The following EGFR variants were observed in gnomAD, a reference collection of about 807,000 sequenced individuals.
The protein encoded by EGFR is avian erythroblastic leukemia viral (v-erb-b) oncogene homolog.
In EGFR, 58 loss-of-function variants were observed where a neutral mutation model predicts 143.0. That is an observed-to-expected ratio of 0.41 (90% CI 0.33 to 0.50). EGFR has a LOEUF of 0.50. Ranked by LOEUF, EGFR falls within the 20% of genes least tolerant of loss-of-function variation. The pLI, the probability that EGFR is intolerant of heterozygous loss-of-function variation, is 0.39. For missense variants in EGFR, 1,307 were observed against 1,579.0 expected (o/e 0.83, Z 2.92); for synonymous variants, 613 against 594.4 (o/e 1.03, Z -0.45).
In EGFR at chr7:55,157,737, G is replaced by C. The variant is rs1785501703; in HGVS notation, c.1282G>C (p.Gly428Arg). ...CTTTGAGAACCTAGAAATCATACGC[G>C]GCAGGACCAAGCAACAGTAAGTTGA... ...HAFENLEIIRGRTKQHGQFSL... is the reference protein window; with the variant it reads ...HAFENLEIIRRRTKQHGQFSL... Residue 428 changes from glycine to arginine, a missense_variant, in exon 11 of 28, where the codon GGC becomes CGC. Gly to Arg is a moderately radical substitution (Grantham distance 125). Coordinates refer to ENST00000275493, the MANE Select transcript of EGFR (RefSeq NM_005228.5). 6.2e-7 allele frequency: 1 copy of C among 1,614,168 alleles called. No homozygotes were observed. Among genetic ancestry groups the C allele is most frequent in the Non-Finnish European group, 8.5e-7 (1 of 1,180,034 alleles).
chr7:55,089,364 C>A (rs955943937), intron 1 of EGFR, among the ~76,000 whole-genome samples: 12 of 152,190 alleles, frequency 7.9e-5, no homozygotes, highest in Admixed American at 7.2e-4. Flanking sequence ...GGAGGCCTGG[C>A]AGAGGGTGCC....
chr7:55,157,890 G>A lies in EGFR; in HGVS notation c.1298+137G>A. On this transcript the variant is annotated intron_variant, in intron 11 of 27. Coordinates refer to ENST00000275493, the MANE Select transcript of EGFR (RefSeq NM_005228.5). ...GGCATTCCCAAATGCTATCTCACAT[G>A]AGCAGGCACAGGGAGCAAGACTGCA... is the stretch of plus-strand genomic sequence containing the variant. 2.3e-5 allele frequency: 20 copies of A among 881,244 alleles called. No individual in the cohort carries two copies. In the South Asian group the frequency reaches 2.8e-4, roughly 13 times the overall value. 54.6% of individuals were successfully genotyped at this position (881,244 alleles called of 1,614,324 possible).
In EGFR at chr7:55,173,817, C is replaced by A. The variant is rs17337100; in HGVS notation, c.2062-104C>A. The A allele has an allele frequency of 0.042, 66,269 of 1,588,150 alleles. 1,566 individuals carry two copies. Among genetic ancestry groups the A allele is most frequent in the African/African-American group, 0.073 (5,439 of 74,508 alleles). On this transcript the variant is annotated intron_variant, in intron 17 of 27. Transcript: ENST00000275493. Reference sequence around the variant, plus strand: ...AAGTGCCGTGTCCTGGCACCCAAGCCCATGCCGTGGCTGCTGGTCCCCCTG... The same window carrying A: ...AAGTGCCGTGTCCTGGCACCCAAGCACATGCCGTGGCTGCTGGTCCCCCTG...
In EGFR at chr7:55,172,914, G is replaced by A. The variant is rs552456875; in HGVS notation, c.1920-69G>A. ...TCAGTGCACTGAAACATGCAGGGGC[G>A]TGTTGAGTGCCAAGGCCATGGAATC... On this transcript the variant is annotated intron_variant, in intron 16 of 27. Transcript: ENST00000275493. The A allele has an allele frequency of 1.5e-5, 25 of 1,613,446 alleles. No homozygotes were observed. In the East Asian group the frequency reaches 1.6e-4, roughly 10 times the overall value.
rs138428448 is a variant in EGFR, at chr7:55,158,882, T to C, written c.1298+1129T>C. The stretch of plus-strand genomic sequence containing the variant: ...GCTCCTATGCGAGACCACTCATCTG[T>C]GTAGGAGAAAGGAAAAAGATGGGGG... On this transcript the variant is annotated intron_variant, in intron 11 of 27. Transcript: ENST00000275493. Among the ~76,000 whole-genome samples the C allele has an allele frequency of 1.0e-3, 152 of 152,214 alleles. 1 individual carries two copies. The highest frequency in any genetic ancestry group is 3.3e-3 in the African/African-American group (137 of 41,530).
rs183008235 is a variant in EGFR, at chr7:55,048,314, C to T, written c.88+28949C>T. Among the ~76,000 whole-genome samples the T allele has an allele frequency of 1.6e-4, 25 of 152,280 alleles. No individual in the cohort carries two copies. The East Asian group carries it at 4.6e-3, about 28-fold the overall frequency. On this transcript the variant is annotated intron_variant, in intron 1 of 27. Coordinates refer to ENST00000275493, the MANE Select transcript of EGFR (RefSeq NM_005228.5). ...GGCTCCCAGCATTTCCAGGGCCCTG[C>T]TCAGAATGTAGGCCTTACTGATTCT...
intron 1 of EGFR, among the ~76,000 whole-genome samples, chr7:55,094,363 C>T (rs1308754625): frequency 1.3e-5 from 2 of 152,140 alleles, no homozygotes; most frequent in African/African-American, 4.8e-5. Flanking sequence ...GGTCGGGGGG[C>T]AGGGGGGGCC....
rs1785449770 is a variant in EGFR at position 55,156,902 on chromosome 7, T to C, written c.1207+70T>C. 4 of 1,607,486 alleles carry C rather than the reference T, an allele frequency of 2.5e-6. No individual in the cohort carries two copies. The South Asian group carries it at 4.4e-5, about 18-fold the overall frequency. The stretch of plus-strand genomic sequence containing the variant: ...TTTAGAGAGAGAACTTTTCGACATA[T>C]TTCCTGTTCCCTTGGAATAAAAACA... On this transcript the variant is annotated intron_variant, in intron 10 of 27. Transcript: ENST00000275493.
rs1787416904 is a variant in EGFR at position 55,191,958 on chromosome 7, A to T, written c.2625+84A>T. On this transcript the variant is annotated intron_variant, in intron 21 of 27. Coordinates refer to ENST00000275493, the MANE Select transcript of EGFR (RefSeq NM_005228.5). ...TCCCACTAGCTGTATTGTTTAACAC[A>T]TGCAGGGGAGGATGCTCTCCAGACA... 51 of 1,583,974 alleles carry T rather than the reference A, an allele frequency of 3.2e-5. No individual in the cohort carries two copies. In the South Asian group the frequency reaches 4.6e-4, roughly 14 times the overall value.
chr7:55,071,987 A>G (rs1789860055), intron 1 of EGFR, among the ~76,000 whole-genome samples: 1 of 152,224 alleles, frequency 6.6e-6, no homozygotes, highest in African/African-American at 2.4e-5. Flanking sequence ...TGGGTCAGAG[A>G]GTACTGCAGA....
chr7:55,153,277 C>G (rs1325772199), intron 6 of EGFR, among the ~76,000 whole-genome samples: 1 of 152,266 alleles, frequency 6.6e-6, no homozygotes, highest in Non-Finnish European at 1.5e-5. Context: ...AGAAGCCTTG[C>G]TGCCCCAGCG....
At chr7:55,197,714 T>A (rs891844109) in intron 22 of EGFR, among the ~76,000 whole-genome samples, 2 of 152,110 alleles carry the variant, frequency 1.3e-5, no homozygotes, top group African/African-American at 4.8e-5. Flanking sequence ...TTTAAACATG[T>A]TGAATTTTAT....
At chr7:55,033,961 A>G (rs923570538) in intron 1 of EGFR, among the ~76,000 whole-genome samples, 17 of 152,152 alleles carry the variant, frequency 1.1e-4, no homozygotes, top group African/African-American at 3.9e-4. Context: ...TACTATGACG[A>G]CTGTGACTGG....
chr7:55,194,091 C>A (rs1311066358), intron 22 of EGFR, among the ~76,000 whole-genome samples: 1 of 152,144 alleles, frequency 6.6e-6, no homozygotes, highest in Admixed American at 6.5e-5. Flanking sequence ...AGGGTCCTGC[C>A]CCAAGCCATT....
intron 1 of EGFR, among the ~76,000 whole-genome samples, chr7:55,110,501 G>C (rs914901550): frequency 2.0e-5 from 3 of 152,216 alleles, no homozygotes; most frequent in Non-Finnish European, 4.4e-5. Flanking sequence ...ATTTTCGTTG[G>C]CACTGACCCC....
Position 55,193,672 on chromosome 7 carries a change from G to A in EGFR, c.2701+831G>A, listed in dbSNP as rs915714838. ...ATAAGTTACCCCAGCCATCTACAGC[G>A]ACAGGAGCAAGGGAGGAGTCGCCTC... On this transcript the variant is annotated intron_variant, in intron 22 of 27. Coordinates refer to ENST00000275493, the MANE Select transcript of EGFR (RefSeq NM_005228.5). Among the ~76,000 whole-genome samples the A allele has an allele frequency of 4.6e-5, 7 of 152,306 alleles. No homozygotes were observed. In the South Asian group the frequency reaches 8.3e-4, roughly 18 times the overall value.
At chr7:55,202,787 C>A in intron 27 of EGFR, 162 bp downstream of exon 27, 1 of 732,252 alleles carries the variant, frequency 1.4e-6, no homozygotes, top group Non-Finnish European at 2.5e-6. Context: ...AGCAGATAAA[C>A]ACATGACCGA....
At position 55,033,100 on chromosome 7, in the gene EGFR, G is replaced by T. The variant is rs1030894872; in HGVS notation, c.88+13735G>T. ...TTATAGCAGGCTAAAGAATGAGATA[G>T]GTCAGTGTGATTCTAGAACTAATCA... is the stretch of plus-strand genomic sequence containing the variant. On this transcript the variant is annotated intron_variant, in intron 1 of 27. Coordinates refer to ENST00000275493, the MANE Select transcript of EGFR (RefSeq NM_005228.5). Among the ~76,000 whole-genome samples, 5 of 152,274 alleles carry T rather than the reference G, an allele frequency of 3.3e-5. No individual in the cohort carries two copies. In the East Asian group the frequency reaches 9.6e-4, roughly 29 times the overall value.
At position 55,208,471 on chromosome 7, in the gene EGFR, T is replaced by G. The variant is rs559405422; in HGVS notation, c.*2854T>G. The G allele has an allele frequency of 6.6e-6, 1 of 152,380 alleles. No homozygotes were observed. Among genetic ancestry groups the G allele is most frequent in the East Asian group, 1.9e-4 (1 of 5,186 alleles). 9.4% of individuals were successfully genotyped at this position (152,380 alleles called of 1,614,324 possible). A position where few individuals can be genotyped will look rare whatever the true frequency, so the allele number is the denominator to read the frequency against. On this transcript the variant is annotated 3_prime_UTR_variant, in exon 28 of 28. Transcript: ENST00000275493. The stretch of plus-strand genomic sequence containing the variant: ...TGACCCCAGCTTCAGATGTGGTCTT[T>G]GGAAACAGAGGTCGAAGGAAAGTAA...
Sources: gnomAD v4.1 joint callset for allele counts (sites outside exome capture counted in the v4.1 genomes callset) on GRCh38, gnomAD v4.1.1 for gene constraint, MANE v1.5 for transcripts, NCBI Gene and HGNC (gene_info 2026-07-23, HGNC 2026-07-21) for gene names.